The following FKTN variants were observed in gnomAD, a reference collection of about 807,000 sequenced individuals.
FKTN encodes fukutin.
A neutral mutation model predicts 58.6 loss-of-function variants in FKTN; 47 were observed. That is an observed-to-expected ratio of 0.80 (90% CI 0.63 to 1.02). FKTN has a LOEUF of 1.02. Among genes scored for constraint, FKTN ranks in the 50% least tolerant of loss-of-function variants. The pLI is 0.00. For synonymous variants in FKTN, 178 were observed against 191.9 expected, an observed-to-expected ratio of 0.93 and a Z score of 0.60; for missense variants, 516 against 537.3, an observed-to-expected ratio of 0.96 and a Z score of 0.39.
Position 105,636,667 on chromosome 9 carries a change from G to T in FKTN, c.*1403G>T. The T allele has an allele frequency of 7.9e-7, 1 of 1,263,894 alleles. No homozygotes were observed. Among genetic ancestry groups the T allele is most frequent in the Non-Finnish European group, 1.0e-6 (1 of 963,494 alleles). The allele number at this position is 1,263,894 out of a possible 1,614,324, so 78.3% of individuals were successfully genotyped here. A position where few individuals can be genotyped will look rare whatever the true frequency, so the allele number is the denominator to read the frequency against. ...AATAAGCACTGCTATTTTTCTCTTTGTCTAGGAAAGGAAGCTGAATCTTAT... is the reference window on the plus strand; with the variant it reads ...AATAAGCACTGCTATTTTTCTCTTTTTCTAGGAAAGGAAGCTGAATCTTAT... On this transcript the variant is annotated 3_prime_UTR_variant, in exon 11 of 11. Transcript: ENST00000357998.
At chr9:105,612,832 G>A (rs981925053) in intron 7 of FKTN, among the ~76,000 whole-genome samples, 37 of 152,160 alleles carry the variant, frequency 2.4e-4, no homozygotes, top group South Asian at 1.5e-3. Context: ...GGACATGGTG[G>A]TGTGCACTTG....
In FKTN at chr9:105,635,406, A is replaced by C; in HGVS notation, c.*142A>C. 3 of 1,500,280 alleles carry C rather than the reference A, an allele frequency of 2.0e-6. No individual in the cohort carries two copies. The South Asian group carries it at 4.1e-5, about 21-fold the overall frequency. 92.9% of individuals were successfully genotyped at this position (1,500,280 alleles called of 1,614,324 possible). A position where few individuals can be genotyped will look rare whatever the true frequency, so the allele number is the denominator to read the frequency against. The stretch of plus-strand genomic sequence containing the variant: ...TTGAAGACACAGAAAGAGTCATCTG[A>C]TGTAATTCTCTCACTTAGTACTGAG... On this transcript the variant is annotated 3_prime_UTR_variant, in exon 11 of 11. Transcript: ENST00000357998.
chr9:105,568,732 G>C (rs1012295020), intron 1 of FKTN, among the ~76,000 whole-genome samples: 1 of 152,166 alleles, frequency 6.6e-6, no homozygotes, highest in Non-Finnish European at 1.5e-5. Context: ...ACAGTGTGGC[G>C]ATTCCTCTGG....
At chr9:105,577,776 C>G (rs1054733078) in intron 3 of FKTN, among the ~76,000 whole-genome samples, 4 of 150,610 alleles carry the variant, frequency 2.7e-5, no homozygotes, top group African/African-American at 9.9e-5. Flanking sequence ...GCCATTTTCA[C>G]AATATTGATT....
chr9:105,630,988 C>T (rs893569305), intron 10 of FKTN, among the ~76,000 whole-genome samples: 3 of 151,974 alleles, frequency 2.0e-5, no homozygotes, highest in Non-Finnish European at 4.4e-5. Flanking sequence ...GAAAAATTAG[C>T]CAGGTGTGGT....
At chr9:105,596,543 A>T in intron 3 of FKTN, 55 bp from the exon 4 acceptor site, 1 of 1,076,188 alleles carries the variant, frequency 9.3e-7, no homozygotes, top group Non-Finnish European at 1.4e-6. Flanking sequence ...ACTGAAATGT[A>T]ATGTTGCATG....
chr9:105,626,403 A>G (rs1832742830), intron 10 of FKTN, among the ~76,000 whole-genome samples: 1 of 152,166 alleles, frequency 6.6e-6, no homozygotes, highest in African/African-American at 2.4e-5. Flanking sequence ...TTCTCCTCAC[A>G]TGGTGAAAGG....
chr9:105,601,415 T>C, intron 5 of FKTN, 67 bp downstream of exon 5: 1 of 1,144,924 alleles, frequency 8.7e-7, no homozygotes, highest in South Asian at 1.3e-5. Flanking sequence ...TTTAGGCTAG[T>C]TTAAAATGTA....
chr9:105,614,560 A>G (rs1163386470), intron 7 of FKTN, among the ~76,000 whole-genome samples: 3 of 152,218 alleles, frequency 2.0e-5, no homozygotes, highest in Non-Finnish European at 4.4e-5. Flanking sequence ...TATACTACAC[A>G]GTCTCTAAAG....
rs569161329 is a variant in FKTN, at chr9:105,584,858, C to T, written c.105+9721C>T. Among the ~76,000 whole-genome samples, 4 of 151,858 alleles carry T rather than the reference C, an allele frequency of 2.6e-5. No individual in the cohort carries two copies. The East Asian group carries it at 7.8e-4, about 29-fold the overall frequency. ...TTAACATATGGAAATTATATTAAAC[C>T]GTTTGTAGCCCAGTAATTGTATCCT... On this transcript the variant is annotated intron_variant, in intron 3 of 10. Coordinates refer to ENST00000357998, the MANE Select transcript of FKTN (RefSeq NM_001079802.2).
In FKTN at chr9:105,639,354, G is replaced by A; in HGVS notation, c.*4090G>A. On this transcript the variant is annotated 3_prime_UTR_variant, in exon 11 of 11. Transcript: ENST00000357998. Reference sequence around the variant, plus strand: ...AAAAGACCACAAGCTTTTGAGTTAGGCCTGAATTTGAATTTCAGCTTAATC... The same window carrying A: ...AAAAGACCACAAGCTTTTGAGTTAGACCTGAATTTGAATTTCAGCTTAATC... The A allele has an allele frequency of 1.1e-6, 1 of 914,538 alleles. No homozygotes were observed. The highest frequency in any genetic ancestry group is 1.3e-6 in the Non-Finnish European group (1 of 765,210). The allele number at this position is 914,538 out of a possible 1,614,324, so 56.7% of individuals were successfully genotyped here.
chr9:105,559,988 G>A (rs912422130), intron 1 of FKTN, among the ~76,000 whole-genome samples: 1 of 152,018 alleles, frequency 6.6e-6, no homozygotes, highest in Admixed American at 6.6e-5. Context: ...GATTCTCAGG[G>A]GCCCAGTGTT....
At chr9:105,623,439 A>G (rs537856058) in intron 10 of FKTN, among the ~76,000 whole-genome samples, 4 of 152,194 alleles carry the variant, frequency 2.6e-5, no homozygotes, top group Admixed American at 2.0e-4. Context: ...TAGTGTCACC[A>G]TGATCTCTAT....
rs1834085440 is a variant in FKTN at position 105,636,919 on chromosome 9, T to G, written c.*1655T>G. 7.5e-6 allele frequency: 8 copies of G among 1,069,692 alleles called. No individual in the cohort carries two copies. In the Admixed American group the frequency reaches 1.3e-4, roughly 18 times the overall value. The allele number at this position is 1,069,692 out of a possible 1,614,324, so 66.3% of individuals were successfully genotyped here. On this transcript the variant is annotated 3_prime_UTR_variant, in exon 11 of 11. Coordinates refer to ENST00000357998, the MANE Select transcript of FKTN (RefSeq NM_001079802.2). ...GATAACCAACAGTCTTCTGTCCTAATTTGCATTCTCAATGCAGAATTATTG... is the reference window on the plus strand; with the variant it reads ...GATAACCAACAGTCTTCTGTCCTAAGTTGCATTCTCAATGCAGAATTATTG...
intron 8 of FKTN, among the ~76,000 whole-genome samples, chr9:105,617,180 A>C (rs893662037): frequency 1.3e-5 from 2 of 152,242 alleles, no homozygotes; most frequent in Non-Finnish European, 2.9e-5. Flanking sequence ...GGATAATCGC[A>C]GTCATTTATT....
chr9:105,598,274 A>G (rs1219504642), intron 4 of FKTN: 2 of 362,790 alleles, frequency 5.5e-6, no homozygotes, highest in Non-Finnish European at 1.1e-5. Flanking sequence ...AATCACAGGA[A>G]AGGAGAAGTA....
chr9:105,601,945 A>C (rs531492707), intron 5 of FKTN, among the ~76,000 whole-genome samples: 1 of 152,344 alleles, frequency 6.6e-6, no homozygotes, highest in Non-Finnish European at 1.5e-5. Context: ...AGGAAATGAT[A>C]TGTATTGCTG....
chr9:105,605,789 CA>C (rs1051547360), intron 6 of FKTN, among the ~76,000 whole-genome samples: 5 of 151,664 alleles, frequency 3.3e-5, no homozygotes, highest in Admixed American at 6.6e-5. Context: ...TTAATGGGTA[CA>C]AAAAAATAGT....
rs1161058940 is a variant in FKTN at position 105,580,576 on chromosome 9, C to G, written c.105+5439C>G. On this transcript the variant is annotated intron_variant, in intron 3 of 10. Transcript: ENST00000357998. The stretch of plus-strand genomic sequence containing the variant: ...GGCTTCCCTTTGAGGGTAACCCGAC[C>G]TTTCTCTCTGGCTGCCCTTAACATT... Among the ~76,000 whole-genome samples the G allele has an allele frequency of 5.2e-3, 480 of 92,730 alleles. 9 individuals carry two copies. The highest frequency in any genetic ancestry group is 0.019 in the African/African-American group (428 of 22,762). The allele number at this position is 92,730 out of a possible 152,430, so 60.8% of individuals were successfully genotyped here. A position where few individuals can be genotyped will look rare whatever the true frequency, so the allele number is the denominator to read the frequency against.
Sources: allele counts gnomAD v4.1 joint callset (sites outside exome capture counted in the v4.1 genomes callset), GRCh38; gene constraint gnomAD v4.1.1; transcripts MANE v1.5; gene names NCBI Gene and HGNC (gene_info 2026-07-23, HGNC 2026-07-21).